Variants in WDR62 observed in about 807,000 individuals in gnomAD.
WDR62 encodes the protein WD repeat domain 62, also known as WD repeat-containing protein 62.
In WDR62, 112 loss-of-function variants were observed where a neutral mutation model predicts 160.6. The ratio of observed to expected loss-of-function variants is 0.70; its 90% CI spans 0.60 to 0.82. WDR62 has a LOEUF of 0.82. WDR62 is among the 40% of genes least tolerant of loss of function. The probability of loss-of-function intolerance (pLI) is 0.00; values close to 1 mark genes in which losing one functional copy is unlikely to be tolerated. For synonymous variants in WDR62, 792 were observed against 815.1 expected, an observed-to-expected ratio of 0.97 and a Z score of 0.48; for missense variants, 1,819 against 1,983.8, an observed-to-expected ratio of 0.92 and a Z score of 1.58.
Position 36,102,160 on chromosome 19 carries a change from C to T in WDR62, c.3220+9C>T, listed in dbSNP as rs763239147. ...TGAGTCCCCCTGCAGAGGTAGGGCC[C>T]TGCCTCACCCACACCTGCCGAGGCC... On this transcript the variant is annotated intron_variant, in intron 26 of 31. Transcript: ENST00000401500. 3.7e-6 allele frequency: 6 copies of T among 1,613,638 alleles called. No individual in the cohort carries two copies. The highest frequency in any genetic ancestry group is 4.2e-6 in the Non-Finnish European group (5 of 1,180,054).
At chr19:36,058,493 A>G (rs1568321921) in intron 1 of WDR62, among the ~76,000 whole-genome samples, 2 of 152,188 alleles carry the variant, frequency 1.3e-5, no homozygotes, top group South Asian at 2.1e-4. Flanking sequence ...TCTATTTCAC[A>G]TATTTGTTCT....
At chr19:36,083,290 AG>A (rs1446030291) in intron 11 of WDR62, 49 bp downstream of exon 11, 1 of 1,547,046 alleles carries the variant, frequency 6.5e-7, no homozygotes, top group Non-Finnish European at 8.8e-7. Context: ...GCTCCAGCTC[AG>A]GTTCTCAGGG....
intron 9 of WDR62, among the ~76,000 whole-genome samples, chr19:36,079,986 C>T (rs543379494): frequency 1.1e-4 from 17 of 152,286 alleles, no homozygotes; most frequent in Admixed American, 5.2e-4. Flanking sequence ...ATTTTGAAAT[C>T]TCTTTATATG....
At chr19:36,071,236 C>G (rs1971280618) in intron 7 of WDR62, among the ~76,000 whole-genome samples, 2 of 151,898 alleles carry the variant, frequency 1.3e-5, no homozygotes, top group African/African-American at 4.8e-5. Context: ...TAAAATTCAA[C>G]CCTGTTACTA....
chr19:36,077,873 G>C (rs1162206724), intron 9 of WDR62, among the ~76,000 whole-genome samples: 1 of 152,162 alleles, frequency 6.6e-6, no homozygotes. Context: ...TAGGATTACA[G>C]GCGTGAGCCA....
intron 22 of WDR62, among the ~76,000 whole-genome samples, chr19:36,100,071 A>G (rs1973231943): frequency 6.6e-6 from 1 of 152,228 alleles, no homozygotes; most frequent in Non-Finnish European, 1.5e-5. Context: ...AGCCTAGGCA[A>G]CGTAGCAAGA....
chr19:36,072,810 G>A (rs997017580), intron 8 of WDR62, among the ~76,000 whole-genome samples: 6 of 152,244 alleles, frequency 3.9e-5, no homozygotes, highest in Middle Eastern at 6.8e-3. Context: ...CTGTGCTTCC[G>A]TTTTCTCATG....
intron 22 of WDR62, 56 bp downstream of exon 22, chr19:36,099,673 G>A: frequency 6.3e-7 from 1 of 1,575,522 alleles, no homozygotes; most frequent in East Asian, 2.2e-5. Flanking sequence ...CGGCCCCAGG[G>A]CCTGGCGCCT....
downstream of WDR62, chr19:36,105,155 T>G (rs1235052370): frequency 2.9e-5 from 36 of 1,261,008 alleles, no homozygotes; most frequent in Non-Finnish European, 3.7e-5. Flanking sequence ...CCTCTTCAAG[T>G]GGAAGTGGGG....
chr19:36,105,139 C>CA (rs1973679084), downstream of WDR62: 1 of 1,389,180 alleles, frequency 7.2e-7, no homozygotes, highest in African/African-American at 1.4e-5. Context: ...GGCCTATCCA[C>CA]AAAGCCCTCT....
rs183056083 is a variant in WDR62 at position 36,069,357 on chromosome 19, C to G, written c.882+1347C>G. 2.3e-3 allele frequency among the ~76,000 whole-genome samples: 337 copies of G among 147,856 alleles called. 10 individuals are homozygous for G. The East Asian group carries it at 0.057, about 25-fold the overall frequency. ...ACGCTCCTCACCTCCCAGACAGGGT[C>G]GCGGCCGGGTAGAGGCGCTCCTCAC... On this transcript the variant is annotated intron_variant, in intron 7 of 31. Coordinates refer to ENST00000401500, the MANE Select transcript of WDR62 (RefSeq NM_001083961.2).
At chr19:36,102,499 G>A (rs541953729) in intron 26 of WDR62, 5 of 593,846 alleles carry the variant, frequency 8.4e-6, no homozygotes, top group Middle Eastern at 4.5e-4. Flanking sequence ...TGCCTCAGAT[G>A]ATCTGCCCGC....
intron 16 of WDR62, among the ~76,000 whole-genome samples, chr19:36,090,951 G>T (rs2145780892): frequency 6.6e-6 from 1 of 152,384 alleles, no homozygotes. Context: ...CACACAGACA[G>T]CTTGTCTCAT....
intron 7 of WDR62, among the ~76,000 whole-genome samples, chr19:36,068,504 G>GGCTTCC (rs1313416887): frequency 6.6e-6 from 1 of 152,196 alleles, no homozygotes; most frequent in Non-Finnish European, 1.5e-5. Flanking sequence ...GGACCCTGCG[G>GGCTTCC]GCTTCCGCAG....
At position 36,067,944 on chromosome 19, in the gene WDR62, G is replaced by A. The variant is rs780964997; in HGVS notation, c.816G>A (p.Val272=). 1.9e-6 allele frequency: 3 copies of A among 1,614,062 alleles called. No homozygotes were observed. Among genetic ancestry groups the A allele is most frequent in the Admixed American group, 1.7e-5 (1 of 60,004 alleles). Residue 272 remains valine, a synonymous_variant, in exon 7 of 32, where the codon GTG becomes GTA. Transcript: ENST00000401500. ...RGRMAGSTFC[V]SYSGLLCQFN... ...GGATGGCGGGCAGTACCTTCTGTGTGTCCTACTCGGGCCTCCTCTGCCAGT... is the reference window on the plus strand; with the variant it reads ...GGATGGCGGGCAGTACCTTCTGTGTATCCTACTCGGGCCTCCTCTGCCAGT...
At chr19:36,080,488 G>A (rs537601676) in intron 9 of WDR62, among the ~76,000 whole-genome samples, 46 of 150,968 alleles carry the variant, frequency 3.0e-4, no homozygotes, top group Non-Finnish European at 5.7e-4. Flanking sequence ...GTGCAATGGC[G>A]CGATCTTGGC....
intron 9 of WDR62, among the ~76,000 whole-genome samples, chr19:36,080,327 G>A (rs1258116624): frequency 1.3e-5 from 2 of 151,498 alleles, no homozygotes; most frequent in Admixed American, 1.3e-4. Flanking sequence ...TGTTAGTCAA[G>A]ATGGTCTCGA....
intron 26 of WDR62, 139 bp from the exon 27 acceptor site, chr19:36,102,598 C>T (rs1211794482): frequency 1.4e-6 from 1 of 714,380 alleles, no homozygotes; most frequent in Non-Finnish European, 2.4e-6. Context: ...ACGATGCCTC[C>T]TCACCCACTG....
At chr19:36,056,902 C>T (rs1172944413) in intron 1 of WDR62, among the ~76,000 whole-genome samples, 8 of 150,114 alleles carry the variant, frequency 5.3e-5, no homozygotes, top group African/African-American at 1.7e-4. Context: ...CTCAGCCTCC[C>T]TGGGCTCAGG....
Sources: gnomAD v4.1 joint callset for allele counts (sites outside exome capture counted in the v4.1 genomes callset) on GRCh38, gnomAD v4.1.1 for gene constraint, MANE v1.5 for transcripts, NCBI Gene and HGNC (gene_info 2026-07-23, HGNC 2026-07-21) for gene names.